The following CHSY3 variants were observed in gnomAD, a reference collection of about 807,000 sequenced individuals.
CHSY3 encodes the protein chondroitin sulfate synthase 3.
In CHSY3, 35 loss-of-function variants were observed where a neutral mutation model predicts 67.2. The ratio of observed to expected loss-of-function variants is 0.52; its 90% confidence interval spans 0.40 to 0.69. CHSY3 has a LOEUF of 0.69. Among genes scored for constraint, CHSY3 ranks in the 30% least tolerant of loss-of-function variants. The pLI, the probability that CHSY3 is intolerant of heterozygous loss-of-function variation, is 0.00. For missense variants in CHSY3, 1,069 were observed against 1,138.5 expected (o/e 0.94, Z 0.88); for synonymous variants, 474 against 434.7 (o/e 1.09, Z -1.12).
At chr5:130,138,690 G>A (rs548480138) in intron 2 of CHSY3, among the ~76,000 whole-genome samples, 1 of 152,164 alleles carries the variant, frequency 6.6e-6, no homozygotes, top group South Asian at 2.1e-4. Flanking sequence ...GATAATAGAG[G>A]CCACATAGAG....
At chr5:130,028,994 G>T (rs1764635856) in intron 2 of CHSY3, among the ~76,000 whole-genome samples, 1 of 151,098 alleles carries the variant, frequency 6.6e-6, no homozygotes, top group Non-Finnish European at 1.5e-5. Flanking sequence ...TTCTATCTTT[G>T]CTTCTTTATC....
chr5:130,065,027 G>A (rs972195293), intron 2 of CHSY3, among the ~76,000 whole-genome samples: 1 of 152,072 alleles, frequency 6.6e-6, no homozygotes, highest in Non-Finnish European at 1.5e-5. Context: ...TTGATTTCCT[G>A]CATAGGCTGT....
intron 2 of CHSY3, among the ~76,000 whole-genome samples, chr5:130,021,262 A>G (rs1764381083): frequency 6.6e-6 from 1 of 152,144 alleles, no homozygotes; most frequent in African/African-American, 2.4e-5. Context: ...ACTAAGAAAC[A>G]TTTGCTTGTG....
chr5:130,175,047 A>G (rs1402807989), intron 2 of CHSY3, among the ~76,000 whole-genome samples: 1 of 152,140 alleles, frequency 6.6e-6, no homozygotes, highest in Non-Finnish European at 1.5e-5. Context: ...GTCTCTAAGA[A>G]CTTGCTTTAT....
chr5:130,086,288 G>A (rs1766620530), intron 2 of CHSY3, among the ~76,000 whole-genome samples: 1 of 151,962 alleles, frequency 6.6e-6, no homozygotes, highest in Non-Finnish European at 1.5e-5. Context: ...ATGAATCTGG[G>A]TGCTCCTGTA....
At chr5:129,938,061 G>A (rs1247007071) in intron 2 of CHSY3, among the ~76,000 whole-genome samples, 4 of 152,154 alleles carry the variant, frequency 2.6e-5, no homozygotes, top group Admixed American at 6.5e-5. Context: ...CTAGGTGGAG[G>A]CTCCCAAGCC....
At chr5:130,143,810 G>GTATATA (rs61284287) in intron 2 of CHSY3, among the ~76,000 whole-genome samples, 6,568 of 56,220 alleles carry the variant, frequency 0.12, 694 homozygotes, top group Admixed American at 0.14. Context: ...ATATATGTGT[G>GTATATA]TATATATATA....
At chr5:129,927,538 A>C (rs1395390536) in intron 2 of CHSY3, among the ~76,000 whole-genome samples, 2 of 152,024 alleles carry the variant, frequency 1.3e-5, no homozygotes, top group Non-Finnish European at 2.9e-5. Context: ...GAAACAGTTG[A>C]TATCGAGTGA....
intron 1 of CHSY3, chr5:129,906,013 G>A: frequency 4.7e-6 from 1 of 212,940 alleles, no homozygotes; most frequent in Non-Finnish European, 9.3e-6. Context: ...TTCCCCAATC[G>A]GTCCAGAGGG....
intron 2 of CHSY3, among the ~76,000 whole-genome samples, chr5:129,961,831 C>T (rs1762333100): frequency 6.6e-6 from 1 of 151,936 alleles, no homozygotes; most frequent in Non-Finnish European, 1.5e-5. Context: ...TTTAAAAAAA[C>T]TTTCAATAAC....
At chr5:130,047,958 T>C (rs1765205616) in intron 2 of CHSY3, among the ~76,000 whole-genome samples, 1 of 148,420 alleles carries the variant, frequency 6.7e-6, no homozygotes, top group Admixed American at 6.6e-5. Flanking sequence ...TTTTTCCTTT[T>C]TTAAGTAAAA....
chr5:130,033,973 T>C (rs1764775051), intron 2 of CHSY3, among the ~76,000 whole-genome samples: 5 of 152,194 alleles, frequency 3.3e-5, no homozygotes, highest in Admixed American at 3.3e-4. Flanking sequence ...GGGATTTATA[T>C]TTTAAAATGC....
At chr5:130,083,888 C>CT (rs1766520613) in intron 2 of CHSY3, among the ~76,000 whole-genome samples, 1 of 151,478 alleles carries the variant, frequency 6.6e-6, no homozygotes, top group Non-Finnish European at 1.5e-5. Context: ...GTACGCTGGT[C>CT]TTTCTGTTTT....
intron 2 of CHSY3, chr5:130,114,465 C>G (rs114629310): frequency 6.6e-6 from 1 of 151,862 alleles, no homozygotes; most frequent in Admixed American, 6.6e-5. Context: ...TAAGCAGGGT[C>G]GGGCCTGGTT....
chr5:130,179,273 A>G (rs2149736585), intron 2 of CHSY3, among the ~76,000 whole-genome samples: 1 of 151,958 alleles, frequency 6.6e-6, no homozygotes, highest in Admixed American at 6.5e-5. Flanking sequence ...TAGATACTAT[A>G]CTCCTTTTAT....
intron 2 of CHSY3, among the ~76,000 whole-genome samples, chr5:130,121,941 C>G (rs149486510): frequency 6.6e-6 from 1 of 151,952 alleles, no homozygotes. Context: ...TCCGTCTGGG[C>G]TCAGCACCCT....
intron 2 of CHSY3, among the ~76,000 whole-genome samples, chr5:130,008,549 CA>C (rs2149644886): frequency 6.6e-6 from 1 of 152,286 alleles, no homozygotes; most frequent in African/African-American, 2.4e-5. Context: ...GGAATCCTGG[CA>C]ACTCTAAAAG....
At chr5:130,097,905 CTG>C in intron 2 of CHSY3, among the ~76,000 whole-genome samples, 1 of 152,188 alleles carries the variant, frequency 6.6e-6, no homozygotes, top group Non-Finnish European at 1.5e-5. Context: ...ACTCGGGAGA[CTG>C]AGGCAGGAGA....
chr5:130,183,180 T>A (rs1294185144), intron 2 of CHSY3, among the ~76,000 whole-genome samples: 1 of 152,120 alleles, frequency 6.6e-6, no homozygotes, highest in Non-Finnish European at 1.5e-5. Flanking sequence ...TGGAGGTGTC[T>A]TAATCGACTG....
Sources: allele counts gnomAD v4.1 joint callset (sites outside exome capture counted in the v4.1 genomes callset), GRCh38; gene constraint gnomAD v4.1.1; transcripts MANE v1.5; gene names NCBI Gene and HGNC (gene_info 2026-07-23, HGNC 2026-07-21).